Variants in CAMSAP1 observed in about 807,000 individuals in gnomAD.
CAMSAP1 encodes the protein calmodulin-regulated spectrin-associated protein 1.
In CAMSAP1, 58 loss-of-function variants were observed where a neutral mutation model predicts 143.5. That is an observed-to-expected ratio of 0.40 (90% CI 0.33 to 0.50). The LOEUF is 0.50. Among genes scored for constraint, CAMSAP1 ranks in the 20% least tolerant of loss-of-function variants. The pLI is 0.45. For missense variants in CAMSAP1, 1,969 were observed against 2,115.7 expected (o/e 0.93, Z 1.36); for synonymous variants, 945 against 859.3 (o/e 1.10, Z -1.74).
At chr9:135,837,833 G>A (rs563381395) in intron 7 of CAMSAP1, among the ~76,000 whole-genome samples, 62 of 140,860 alleles carry the variant, frequency 4.4e-4, no homozygotes, top group Middle Eastern at 4.8e-3. Context: ...ACAGACACAC[G>A]TCATCACGCA....
intron 14 of CAMSAP1, 79 bp downstream of exon 14, chr9:135,817,898 C>G: frequency 1.9e-6 from 2 of 1,078,008 alleles, no homozygotes; most frequent in Non-Finnish European, 2.8e-6. Context: ...CCTCTCTCAC[C>G]GTGTTTAATC....
intron 7 of CAMSAP1, among the ~76,000 whole-genome samples, chr9:135,834,839 G>A (rs1450076501): frequency 6.6e-6 from 1 of 152,174 alleles, no homozygotes; most frequent in African/African-American, 2.4e-5. Context: ...AGTTCACTAT[G>A]TATACGTGTA....
At chr9:135,890,766 G>A (rs1006734987) in intron 1 of CAMSAP1, among the ~76,000 whole-genome samples, 1 of 152,204 alleles carries the variant, frequency 6.6e-6, no homozygotes, top group African/African-American at 2.4e-5. Flanking sequence ...TTAGGCCTCA[G>A]ACTGTTTCCA....
At position 135,866,523 on chromosome 9, in the gene CAMSAP1, A is replaced by G; in HGVS notation, c.599T>C (p.Met200Thr). 2.1e-6 allele frequency: 3 copies of G among 1,421,050 alleles called. No homozygotes were observed. Among genetic ancestry groups the G allele is most frequent in the Non-Finnish European group, 2.9e-6 (3 of 1,028,348 alleles). 88.0% of individuals were successfully genotyped at this position (1,421,050 alleles called of 1,614,324 possible). ...AACTTCTTTCTCTGTTATCTCTCTCATTTTAAGATTTACCTAAAGTAGAAG... is the reference window on the plus strand; with the variant it reads ...AACTTCTTTCTCTGTTATCTCTCTCGTTTTAAGATTTACCTAAAGTAGAAG... The part of the protein sequence containing the change: ...VFWINKVNLK[M>T]REITEKEVKL... The change falls in exon 4 of 17, where the codon ATG (methionine) becomes ACG (threonine). Residue 200 changes from methionine (M) to threonine (T), a missense_variant. Met to Thr is a moderately conservative substitution (Grantham distance 81, BLOSUM62 -1). Transcript: ENST00000389532.
Position 135,852,052 on chromosome 9 carries a change from C to T in CAMSAP1, c.809-1591G>A, listed in dbSNP as rs187599922. On this transcript the variant is annotated intron_variant, in intron 5 of 16. Coordinates refer to ENST00000389532, the MANE Select transcript of CAMSAP1 (RefSeq NM_015447.4). Reference sequence around the variant, plus strand: ...GACCGACCTGTCCATGTCTGCCAGGCGGAGGGGCGTGAACACCTCCTTCTC... The same window carrying T: ...GACCGACCTGTCCATGTCTGCCAGGTGGAGGGGCGTGAACACCTCCTTCTC... 7.2e-5 allele frequency among the ~76,000 whole-genome samples: 11 copies of T among 152,322 alleles called. No individual in the cohort carries two copies. The East Asian group carries it at 1.9e-3, about 27-fold the overall frequency.
chr9:135,878,191 A>G (rs1189296166), intron 3 of CAMSAP1, among the ~76,000 whole-genome samples: 1 of 152,212 alleles, frequency 6.6e-6, no homozygotes, highest in Non-Finnish European at 1.5e-5. Flanking sequence ...CCCGGCCAGG[A>G]GGAGACGGGT....
At chr9:135,829,193 T>C (rs1835773182) in intron 7 of CAMSAP1, among the ~76,000 whole-genome samples, 1 of 152,208 alleles carries the variant, frequency 6.6e-6, no homozygotes, top group South Asian at 2.1e-4. Context: ...ATACATCGCT[T>C]TTAATTCCAT....
At chr9:135,860,933 C>G (rs548989377) in intron 5 of CAMSAP1, among the ~76,000 whole-genome samples, 3 of 152,340 alleles carry the variant, frequency 2.0e-5, no homozygotes, top group African/African-American at 7.2e-5. Context: ...ATGAGTTTCA[C>G]TAGTTCTAGA....
intron 7 of CAMSAP1, among the ~76,000 whole-genome samples, chr9:135,840,381 C>T (rs1836296096): frequency 6.6e-6 from 1 of 152,176 alleles, no homozygotes; most frequent in Non-Finnish European, 1.5e-5. Flanking sequence ...CTCCTCATTC[C>T]TAAGGACCAG....
chr9:135,829,636 C>G (rs964618766), intron 7 of CAMSAP1, among the ~76,000 whole-genome samples: 1 of 152,078 alleles, frequency 6.6e-6, no homozygotes. Flanking sequence ...GGTGGATCAC[C>G]CGAGGTTGGG....
At chr9:135,857,844 T>C (rs574187156) in intron 5 of CAMSAP1, among the ~76,000 whole-genome samples, 23 of 152,270 alleles carry the variant, frequency 1.5e-4, no homozygotes, top group African/African-American at 5.1e-4. Flanking sequence ...CCTTCGGGTA[T>C]GAAGAATTTT....
intron 11 of CAMSAP1, 125 bp from the exon 12 acceptor site, chr9:135,819,271 T>G (rs1835354102): frequency 7.9e-7 from 1 of 1,273,340 alleles, no homozygotes; most frequent in Admixed American, 2.8e-5. Flanking sequence ...ACTTCTATGC[T>G]TTTCTCTAAC....
Position 135,822,132 on chromosome 9 carries a change from A to C in CAMSAP1, c.2529T>G (p.Asp843Glu). ...GAGGGGCTGGGCAGCTCTCAGACGC[A>C]TCTGGCGTGGTCTTCTGGGAGCTGC... The part of the protein sequence containing the change: ...STSSSQKTTP[D>E]ASESCPAPLT... Residue 843 changes from aspartate (D) to glutamate (E), a missense_variant, in exon 11 of 17, where the codon GAT (aspartate) becomes GAG (glutamate). Around this residue, in one of 4 missense-constraint regions of CAMSAP1, gnomAD observed 1,390 missense variants for 1,420.8 expected, o/e 0.98. Coordinates refer to ENST00000389532, the MANE Select transcript of CAMSAP1 (RefSeq NM_015447.4). The surrounding 1 kb of genome is among the most constrained non-coding windows in gnomAD (Gnocchi z 6.1). 6.2e-7 allele frequency: 1 copy of C among 1,612,986 alleles called. No individual in the cohort carries two copies. Among genetic ancestry groups the C allele is most frequent in the African/African-American group, 1.3e-5 (1 of 75,048 alleles).
In CAMSAP1 at chr9:135,821,219, G is replaced by A. The variant is rs908221653; in HGVS notation, c.3442C>T (p.Pro1148Ser). ...GGCTCCAGGGCACTGTCCAGGCCAGGGTCCGTGGGCGTCCGAGGGTGGCTG... is the reference window on the plus strand; with the variant it reads ...GGCTCCAGGGCACTGTCCAGGCCAGAGTCCGTGGGCGTCCGAGGGTGGCTG... ...ASSHPRTPTD[P>S]GLDSALEPSG... Residue 1148 changes from proline (P) to serine (S), a missense_variant, in exon 11 of 17, where the codon CCT becomes TCT. Pro to Ser is a moderately conservative substitution (Grantham distance 74). Coordinates refer to ENST00000389532, the MANE Select transcript of CAMSAP1 (RefSeq NM_015447.4). This position sits in a 1 kb window ranked among gnomAD's most constrained non-coding sequence, Gnocchi z 4.6. The A allele has an allele frequency of 6.2e-7, 1 of 1,608,724 alleles. No individual in the cohort carries two copies. The highest frequency in any genetic ancestry group is 1.1e-5 in the South Asian group (1 of 91,088).
Position 135,902,165 on chromosome 9 carries a change from C to G in CAMSAP1, c.160+4835G>C, listed in dbSNP as rs566878054. On this transcript the variant is annotated intron_variant, in intron 1 of 16. Transcript: ENST00000389532. Reference sequence around the variant, plus strand: ...CAACTCCCACAGTATTTAGTACCACCTAACAGGTGCTCAGGAAGCATTTGA... The same window carrying G: ...CAACTCCCACAGTATTTAGTACCACGTAACAGGTGCTCAGGAAGCATTTGA... Among the ~76,000 whole-genome samples, 55 of 152,338 alleles carry G rather than the reference C, an allele frequency of 3.6e-4. No homozygotes were observed. In the South Asian group the frequency reaches 0.011, roughly 32 times the overall value.
intron 7 of CAMSAP1, among the ~76,000 whole-genome samples, chr9:135,838,678 C>T (rs1836222059): frequency 6.6e-6 from 1 of 150,650 alleles, no homozygotes; most frequent in Non-Finnish European, 1.5e-5. Context: ...TCCACCCGTT[C>T]TACAGACACA....
At chr9:135,843,128 G>A (rs1022096604) in intron 7 of CAMSAP1, among the ~76,000 whole-genome samples, 7 of 152,110 alleles carry the variant, frequency 4.6e-5, no homozygotes, top group Non-Finnish European at 8.8e-5. Flanking sequence ...GGGAGTTCGA[G>A]ACCAGCCTGA....
intron 7 of CAMSAP1, among the ~76,000 whole-genome samples, chr9:135,835,841 A>G (rs372731822): frequency 5.9e-5 from 9 of 152,174 alleles, no homozygotes; most frequent in African/African-American, 2.2e-4. Context: ...TTAGCCAGGC[A>G]TGGTGGTGCG....
At chr9:135,850,559 G>A in intron 5 of CAMSAP1, 98 bp from the exon 6 acceptor site, 3 of 939,840 alleles carry the variant, frequency 3.2e-6, no homozygotes, top group Non-Finnish European at 4.6e-6. Context: ...CATAAAGGTA[G>A]TAATGAAGAT....
Sources: allele counts gnomAD v4.1 joint callset (sites outside exome capture counted in the v4.1 genomes callset), GRCh38; gene constraint gnomAD v4.1.1; regional missense constraint gnomAD v4.1.1; non-coding constraint Gnocchi (gnomAD v3.1); transcripts MANE v1.5; gene names NCBI Gene and HGNC (gene_info 2026-07-23, HGNC 2026-07-21).